The following PHF3 variants were observed in gnomAD, a reference collection of about 807,000 sequenced individuals.
PHF3 encodes the protein PHD finger protein 3.
In PHF3, 41 loss-of-function variants were observed where a neutral mutation model predicts 178.4. That is an observed-to-expected ratio of 0.23 (90% CI 0.18 to 0.30). The LOEUF (loss-of-function observed/expected upper bound fraction) is 0.30. Ranked by LOEUF, PHF3 falls within the 10% of genes least tolerant of loss-of-function variation. The pLI is 1.00. For missense variants in PHF3, 2,346 were observed against 2,398.1 expected, an observed-to-expected ratio of 0.98 and a Z score of 0.45; for synonymous variants, 842 against 800.5, an observed-to-expected ratio of 1.05 and a Z score of -0.88.
At chr6:63,693,421 G>A (rs1767093420) in intron 5 of PHF3, among the ~76,000 whole-genome samples, 1 of 152,166 alleles carries the variant, frequency 6.6e-6, no homozygotes, top group African/African-American at 2.4e-5. Flanking sequence ...TTTGAGACCA[G>A]CCTGGGCAAC....
In PHF3 at chr6:63,711,272, A is replaced by G. The variant is rs1767915346; in HGVS notation, c.3907A>G (p.Asn1303Asp). 1 of 1,613,578 alleles carries G rather than the reference A, an allele frequency of 6.2e-7. No homozygotes were observed. The highest frequency in any genetic ancestry group is 8.5e-7 in the Non-Finnish European group (1 of 1,179,684). ...SSRKRYGVAA[N>D]NMKQVKDMYL... is the part of the protein sequence containing the mutation. ...CAGAAAGCGCTATGGAGTAGCTGCT[A>G]ACAACATGAAGCAGGTTAAAGATAT... Residue 1303 changes from asparagine (N) to aspartate (D), a missense_variant, in exon 15 of 16, where the codon AAC (asparagine) becomes GAC (aspartate). By Grantham distance (23) the Asn-to-Asp change is conservative (BLOSUM62 1). This residue lies in a region of PHF3 where 90 missense variants were observed against 136.6 expected (regional missense o/e 0.66). Transcript: ENST00000262043.
intron 8 of PHF3, among the ~76,000 whole-genome samples, chr6:63,698,845 C>T (rs1767348478): frequency 6.6e-6 from 1 of 151,996 alleles, no homozygotes; most frequent in African/African-American, 2.4e-5. Context: ...ATTATTTTTT[C>T]TTTACTCTCC....
chr6:63,693,842 G>A (rs1400798906), intron 5 of PHF3, among the ~76,000 whole-genome samples: 3 of 152,166 alleles, frequency 2.0e-5, no homozygotes, highest in Middle Eastern at 3.4e-3. Context: ...TTTTTATGTT[G>A]AACTATTTAT....
Position 63,718,329 on chromosome 6 carries a change from CTT to C in PHF3, c.*4624_*4625del, listed in dbSNP as rs372334115. On this transcript the variant is annotated 3_prime_UTR_variant, in exon 16 of 16. Coordinates refer to ENST00000262043, the MANE Select transcript of PHF3 (RefSeq NM_001370348.2). The stretch of plus-strand genomic sequence containing the variant: ...AAGCTTTAAGGCAGCAATTCTCAAA[CTT>C]TTGTTTTCAAGACCCCTTACACTCT... Among the ~76,000 whole-genome samples the C allele has an allele frequency of 1.8e-4, 28 of 152,026 alleles. No individual in the cohort carries two copies. Among genetic ancestry groups the C allele is most frequent in the South Asian group, 6.2e-4 (3 of 4,820 alleles).
chr6:63,646,568 C>A lies in PHF3; in HGVS notation c.17C>A (p.Thr6Lys), dbSNP rs1455696165. 1 of 1,608,890 alleles carries A rather than the reference C, an allele frequency of 6.2e-7. No individual in the cohort carries two copies. The highest frequency in any genetic ancestry group is 1.7e-4 in the Middle Eastern group (1 of 6,044). Residue 6 changes from threonine to lysine, a missense_variant, in exon 2 of 16, where the codon ACA becomes AAA. Thr to Lys is a moderately conservative substitution (Grantham distance 78, BLOSUM62 -1). Transcript: ENST00000262043. MDIVD[T>K]FNHLIPTEHL... is the part of the protein sequence containing the mutation. ...GAAGTCTTCATGGATATAGTTGATA[C>A]ATTTAATCATTTAATTCCTACTGAA...
intron 2 of PHF3, among the ~76,000 whole-genome samples, chr6:63,658,764 CGAGA>C (rs374928745): frequency 7.4e-6 from 1 of 135,904 alleles, no homozygotes; most frequent in Non-Finnish European, 1.6e-5. Context: ...GTGTTTATAA[CGAGA>C]GAGAGAGGGA....
intron 1 of PHF3, among the ~76,000 whole-genome samples, chr6:63,641,528 ATG>A (rs201250434): frequency 0.11 from 15,901 of 140,374 alleles, 903 homozygotes; most frequent in East Asian, 0.18. Flanking sequence ...TTAGGTGTGT[ATG>A]TGTGTGTGTG....
chr6:63,721,450 T>G lies in PHF3; in HGVS notation c.*7742T>G. The stretch of plus-strand genomic sequence containing the variant: ...GAGCCACCTTTTGCTCCAAATTCAG[T>G]TAATTGTAATTCTTGATTATTTATG... On this transcript the variant is annotated 3_prime_UTR_variant, in exon 16 of 16. Coordinates refer to ENST00000262043, the MANE Select transcript of PHF3 (RefSeq NM_001370348.2). The G allele has an allele frequency of 6.4e-7, 1 of 1,551,680 alleles. No individual in the cohort carries two copies.
rs182844312 is a variant in PHF3 at position 63,718,390 on chromosome 6, T to G, written c.*4682T>G. 2.2e-3 allele frequency among the ~76,000 whole-genome samples: 333 copies of G among 152,180 alleles called. 1 individual carries two copies. The highest frequency in any genetic ancestry group is 4.0e-3 in the Non-Finnish European group (271 of 67,948). ...GAGAATGTCAAAGCTTTTGTTTATA[T>G]GGCTTATATCATTATTTAGCATACT... On this transcript the variant is annotated 3_prime_UTR_variant, in exon 16 of 16. Coordinates refer to ENST00000262043, the MANE Select transcript of PHF3 (RefSeq NM_001370348.2).
Position 63,706,131 on chromosome 6 carries a change from A to G in PHF3, c.3470A>G (p.Asp1157Gly), listed in dbSNP as rs551727079. 3.1e-6 allele frequency: 5 copies of G among 1,613,952 alleles called. No homozygotes were observed. In the African/African-American group the frequency reaches 6.7e-5, roughly 22 times the overall value. Residue 1157 changes from aspartate (D) to glycine (G), a missense_variant, in exon 12 of 16, where the codon GAT becomes GGT. Around this residue, in one of 8 missense-constraint regions of PHF3, gnomAD observed 205 missense variants for 212.4 expected, o/e 0.97. Transcript: ENST00000262043. The part of the protein sequence containing the change: ...HSDNEAESIA[D>G]ALSSTSNILA... Reference sequence around the variant, plus strand: ...GACAATGAAGCAGAAAGTATAGCAGATGCATTATCTTCAACCTCAAATATT... The same window carrying G: ...GACAATGAAGCAGAAAGTATAGCAGGTGCATTATCTTCAACCTCAAATATT...
In PHF3 at chr6:63,712,041, C is replaced by G; in HGVS notation, c.4453C>G (p.Gln1485Glu). 1 of 1,613,688 alleles carries G rather than the reference C, an allele frequency of 6.2e-7. No individual in the cohort carries two copies. The highest frequency in any genetic ancestry group is 8.5e-7 in the Non-Finnish European group (1 of 1,179,902). The stretch of plus-strand genomic sequence containing the variant: ...CACTGGTCAAGTATATGACCAGGCC[C>G]AGTCAGTGATGGAACAAAACACTGT... The part of the protein sequence containing the change: ...GTTGQVYDQA[Q>E]SVMEQNTVKE... The change falls in exon 16 of 16, where the codon CAG becomes GAG. Residue 1485 changes from glutamine to glutamate, a missense_variant. Physicochemically the swap from Gln to Glu is conservative, Grantham distance 29 (BLOSUM62 2). Around this residue, in one of 8 missense-constraint regions of PHF3, gnomAD observed 839 missense variants for 806.9 expected, o/e 1.04. Coordinates refer to ENST00000262043, the MANE Select transcript of PHF3 (RefSeq NM_001370348.2).
intron 2 of PHF3, among the ~76,000 whole-genome samples, chr6:63,664,613 A>G (rs1561949943): frequency 6.6e-6 from 1 of 152,182 alleles, no homozygotes; most frequent in Non-Finnish European, 1.5e-5. Flanking sequence ...TGAGCCATAG[A>G]TAAAATATTT....
At chr6:63,659,566 C>G (rs1457181397) in intron 2 of PHF3, among the ~76,000 whole-genome samples, 1 of 152,196 alleles carries the variant, frequency 6.6e-6, no homozygotes, top group Non-Finnish European at 1.5e-5. Context: ...CTTACTAAAT[C>G]TTCACGAAAA....
rs78978558 is a variant in PHF3 at position 63,714,113 on chromosome 6, T to C, written c.*405T>C. The C allele has an allele frequency of 3.4e-3, 531 of 155,504 alleles. 4 individuals are homozygous for C. The highest frequency in any genetic ancestry group is 0.012 in the African/African-American group (504 of 41,668). 9.6% of individuals were successfully genotyped at this position (155,504 alleles called of 1,614,324 possible). A position where few individuals can be genotyped will look rare whatever the true frequency, so the allele number is the denominator to read the frequency against. ...GAGTAATGTGTGCTCTGTAAGTTTGTTTTAAATTGCACTGTTTTTAAAGAA... is the reference window on the plus strand; with the variant it reads ...GAGTAATGTGTGCTCTGTAAGTTTGCTTTAAATTGCACTGTTTTTAAAGAA... On this transcript the variant is annotated 3_prime_UTR_variant, in exon 16 of 16. Coordinates refer to ENST00000262043, the MANE Select transcript of PHF3 (RefSeq NM_001370348.2).
At chr6:63,694,870 A>C in intron 6 of PHF3, 106 bp downstream of exon 6, 1 of 601,624 alleles carries the variant, frequency 1.7e-6, no homozygotes, top group Non-Finnish European at 2.4e-6. Flanking sequence ...ACATTATTAA[A>C]TGTTGTATTG....
intron 1 of PHF3, among the ~76,000 whole-genome samples, chr6:63,641,043 A>C (rs565483225): frequency 6.6e-6 from 1 of 152,256 alleles, no homozygotes; most frequent in African/African-American, 2.4e-5. Flanking sequence ...AAGTTTGAGC[A>C]CAAGAAGTTT....
intron 3 of PHF3, among the ~76,000 whole-genome samples, chr6:63,683,126 A>G (rs1439515399): frequency 2.6e-5 from 4 of 152,060 alleles, no homozygotes; most frequent in Non-Finnish European, 5.9e-5. Flanking sequence ...GGAATTAGAA[A>G]GGGTCTCTAA....
intron 8 of PHF3, 24 bp from the exon 9 acceptor site, chr6:63,700,326 A>G (rs1767418733): frequency 8.6e-7 from 1 of 1,163,606 alleles, no homozygotes; most frequent in African/African-American, 1.5e-5. Flanking sequence ...CTCCCCTTCT[A>G]TTCCTATTTT....
chr6:63,689,671 C>T (rs1009612243), intron 4 of PHF3, among the ~76,000 whole-genome samples: 4 of 152,134 alleles, frequency 2.6e-5, no homozygotes, highest in Non-Finnish European at 5.9e-5. Context: ...TTGAATGAGA[C>T]ATTTCCAACT....
Sources: allele counts gnomAD v4.1 joint callset (sites outside exome capture counted in the v4.1 genomes callset), GRCh38; gene constraint gnomAD v4.1.1; regional missense constraint gnomAD v4.1.1; transcripts MANE v1.5; gene names NCBI Gene and HGNC (gene_info 2026-07-23, HGNC 2026-07-21).